DDX10: variants seen among roughly 807,000 people sequenced by gnomAD.
The protein encoded by DDX10 is DEAD-box helicase 10, also known as probable ATP-dependent RNA helicase DDX10.
A neutral mutation model predicts 104.3 loss-of-function variants in DDX10; 74 were observed. That is an observed-to-expected ratio of 0.71 (90% CI 0.59 to 0.86). The LOEUF (loss-of-function observed/expected upper bound fraction) is 0.86, where lower values mean the gene tolerates loss of function less well. DDX10 is among the 40% of genes least tolerant of loss of function. DDX10 has a pLI of 0.00. For synonymous variants in DDX10, 351 were observed against 353.4 expected, an observed-to-expected ratio of 0.99 and a Z score of 0.08; for missense variants, 952 against 1,040.0, an observed-to-expected ratio of 0.92 and a Z score of 1.16.
At chr11:108,762,481 G>C (rs768964118) in intron 13 of DDX10, among the ~76,000 whole-genome samples, 1 of 152,078 alleles carries the variant, frequency 6.6e-6, no homozygotes, top group Non-Finnish European at 1.5e-5. Flanking sequence ...CAGCAACCCA[G>C]GTTTAAAAAC....
chr11:108,725,456 C>G (rs2094304250), intron 13 of DDX10, among the ~76,000 whole-genome samples: 1 of 152,092 alleles, frequency 6.6e-6, no homozygotes, highest in African/African-American at 2.4e-5. Context: ...GTTCGAGTTG[C>G]ATCCCATCGT....
chr11:108,700,243 C>A (rs2094265806), intron 9 of DDX10, among the ~76,000 whole-genome samples: 1 of 152,164 alleles, frequency 6.6e-6, no homozygotes, highest in African/African-American at 2.4e-5. Flanking sequence ...TTCCCAAACT[C>A]AATAAATATT....
intron 1 of DDX10, among the ~76,000 whole-genome samples, chr11:108,667,818 C>T (rs757516187): frequency 3.3e-5 from 5 of 152,162 alleles, no homozygotes; most frequent in East Asian, 1.9e-4. Context: ...CTCCCCTGAC[C>T]GAGTTAGGGC....
At chr11:108,793,208 C>T (rs1301716863) in intron 13 of DDX10, among the ~76,000 whole-genome samples, 4 of 152,150 alleles carry the variant, frequency 2.6e-5, no homozygotes, top group Non-Finnish European at 5.9e-5. Context: ...CTGATATGTG[C>T]ACAGAACCTG....
At chr11:108,829,935 A>G (rs59925874) in intron 13 of DDX10, among the ~76,000 whole-genome samples, 53 of 152,312 alleles carry the variant, frequency 3.5e-4, no homozygotes, top group African/African-American at 1.2e-3. Flanking sequence ...CTATTTTTAT[A>G]CCAGTACCAT....
intron 13 of DDX10, among the ~76,000 whole-genome samples, chr11:108,833,423 T>C (rs974716368): frequency 6.6e-6 from 1 of 152,232 alleles, no homozygotes; most frequent in African/African-American, 2.4e-5. Context: ...TATGATGCCT[T>C]GGATGGCGCT....
At chr11:108,900,200 C>T (rs746238887) in intron 16 of DDX10, among the ~76,000 whole-genome samples, 9 of 152,104 alleles carry the variant, frequency 5.9e-5, no homozygotes, top group Non-Finnish European at 7.4e-5. Flanking sequence ...CCTTCCACTG[C>T]GATTGTAAGC....
intron 1 of DDX10, among the ~76,000 whole-genome samples, chr11:108,668,351 C>T (rs1047469924): frequency 6.6e-6 from 1 of 152,028 alleles, no homozygotes; most frequent in Non-Finnish European, 1.5e-5. Flanking sequence ...TTATTTAAAT[C>T]CCATTTGTTT....
chr11:108,799,445 A>C (rs1861988174), intron 13 of DDX10, among the ~76,000 whole-genome samples: 1 of 152,154 alleles, frequency 6.6e-6, no homozygotes, highest in Non-Finnish European at 1.5e-5. Flanking sequence ...GAATTTCACT[A>C]GTTGATTGCA....
At chr11:108,676,974 G>T in intron 3 of DDX10, 111 bp from the exon 4 acceptor site, 1 of 898,990 alleles carries the variant, frequency 1.1e-6, no homozygotes, top group Non-Finnish European at 1.7e-6. Flanking sequence ...AACTTGAGTG[G>T]TATGCCTTCT....
At chr11:108,807,059 G>C (rs1591823431) in intron 13 of DDX10, among the ~76,000 whole-genome samples, 1 of 152,334 alleles carries the variant, frequency 6.6e-6, no homozygotes, top group African/African-American at 2.4e-5. Flanking sequence ...CCTAGGTTAG[G>C]CAAGCAATAG....
At chr11:108,669,420 C>T (rs1398397000) in intron 1 of DDX10, among the ~76,000 whole-genome samples, 2 of 152,062 alleles carry the variant, frequency 1.3e-5, no homozygotes, top group East Asian at 3.9e-4. Flanking sequence ...ATGATGAGTT[C>T]ATCAGATAGA....
intron 13 of DDX10, chr11:108,838,215 G>A (rs757587646): frequency 1.6e-5 from 5 of 311,548 alleles, no homozygotes; most frequent in African/African-American, 4.3e-5. Flanking sequence ...AAATGTAAAC[G>A]TTATTGGTTT....
At chr11:108,756,857 A>G (rs138261853) in intron 13 of DDX10, among the ~76,000 whole-genome samples, 2,233 of 152,214 alleles carry the variant, frequency 0.015, 23 homozygotes, top group Non-Finnish European at 0.023. Flanking sequence ...TACAGTCAAC[A>G]TCGAGTCATG....
At chr11:108,675,480 G>A in intron 2 of DDX10, 116 bp from the exon 3 acceptor site, 2 of 1,103,612 alleles carry the variant, frequency 1.8e-6, no homozygotes, top group Non-Finnish European at 2.6e-6. Flanking sequence ...GTTATGTTCT[G>A]AGGTACGAGG....
At chr11:108,806,237 A>G (rs996915446) in intron 13 of DDX10, among the ~76,000 whole-genome samples, 1 of 152,220 alleles carries the variant, frequency 6.6e-6, no homozygotes, top group Non-Finnish European at 1.5e-5. Flanking sequence ...TGCTGGGATT[A>G]TAGGCGTGAG....
rs767174742 is a variant in DDX10 at position 108,940,286 on chromosome 11, A to C, written c.2491A>C (p.Ser831Arg). The C allele has an allele frequency of 1.2e-6, 2 of 1,613,982 alleles. No individual in the cohort carries two copies. Among genetic ancestry groups the C allele is most frequent in the African/African-American group, 2.7e-5 (2 of 74,922 alleles). ...KKQGMKKRSN[S>R]EVEDVGPTSH... The stretch of plus-strand genomic sequence containing the variant: ...GCAGGGGATGAAGAAGAGGAGCAAC[A>C]GTGAAGTGGAAGACGTGGGACCAAC... The change falls in exon 18 of 18, where the codon AGT becomes CGT. Residue 831 changes from serine (S) to arginine (R), a missense_variant. Physicochemically the swap from Ser to Arg is moderately radical, Grantham distance 110. Around this residue, in one of 3 missense-constraint regions of DDX10, gnomAD observed 533 missense variants for 534.1 expected, o/e 1.00. Transcript: ENST00000322536.
At chr11:108,802,410 G>T (rs1862034633) in intron 13 of DDX10, among the ~76,000 whole-genome samples, 1 of 152,112 alleles carries the variant, frequency 6.6e-6, no homozygotes, top group Non-Finnish European at 1.5e-5. Context: ...ATGTCAGGTG[G>T]TTGGAATTTT....
rs544430376 is a variant in DDX10 at position 108,726,958 on chromosome 11, T to C, written c.1965+3496T>C. Among the ~76,000 whole-genome samples the C allele has an allele frequency of 1.8e-4, 28 of 152,272 alleles. No individual in the cohort carries two copies. The South Asian group carries it at 3.5e-3, about 19-fold the overall frequency. On this transcript the variant is annotated intron_variant, in intron 13 of 17. Coordinates refer to ENST00000322536, the MANE Select transcript of DDX10 (RefSeq NM_004398.4). ...ATTAAGGTGATGACGTGGTGGTTTT[T>C]AGCCTGTTGATTATGGTGTATTGAT...
Sources: allele counts gnomAD v4.1 joint callset (sites outside exome capture counted in the v4.1 genomes callset), GRCh38; gene constraint gnomAD v4.1.1; regional missense constraint gnomAD v4.1.1; transcripts MANE v1.5; gene names NCBI Gene and HGNC (gene_info 2026-07-23, HGNC 2026-07-21).